Variants in ELAVL4 observed in about 807,000 individuals in gnomAD.
ELAVL4 encodes the protein ELAV-like protein 4.
In ELAVL4, 1 loss-of-function variant was observed where a neutral mutation model predicts 35.6. That is an observed-to-expected ratio of 0.03 (90% CI 0.01 to 0.13). ELAVL4 has a LOEUF of 0.13. Among genes scored for constraint, ELAVL4 ranks in the 10% least tolerant of loss-of-function variants. The pLI is 1.00. For synonymous variants in ELAVL4, 156 were observed against 171.0 expected, an observed-to-expected ratio of 0.91 and a Z score of 0.69; for missense variants, 267 against 464.9, an observed-to-expected ratio of 0.57 and a Z score of 3.91.
intron 2 of ELAVL4, among the ~76,000 whole-genome samples, chr1:50,169,664 A>G (rs1678627720): frequency 6.6e-6 from 1 of 152,184 alleles, no homozygotes; most frequent in Non-Finnish European, 1.5e-5. Context: ...GGATAAATGT[A>G]GTACTTAGAT....
upstream of ELAVL4, chr1:50,103,881 G>C: frequency 6.2e-7 from 1 of 1,600,908 alleles, no homozygotes; most frequent in Non-Finnish European, 8.5e-7. Flanking sequence ...AGCTGTGTTC[G>C]GAGGGACTGG....
chr1:50,139,085 GA>G (rs1292531929), intron 1 of ELAVL4, among the ~76,000 whole-genome samples: 2 of 152,188 alleles, frequency 1.3e-5, no homozygotes, highest in Non-Finnish European at 2.9e-5. Context: ...CTCAGTAGGT[GA>G]CTGGTTGCTT....
At chr1:50,153,389 T>G (rs1675139830) in intron 2 of ELAVL4, among the ~76,000 whole-genome samples, 1 of 152,238 alleles carries the variant, frequency 6.6e-6, no homozygotes, top group Non-Finnish European at 1.5e-5. Flanking sequence ...TCAGTGATTT[T>G]ATTCCCATTT....
At chr1:50,103,387 G>A (rs749482727), upstream of ELAVL4, among the ~76,000 whole-genome samples, 7 of 151,866 alleles carry the variant, frequency 4.6e-5, no homozygotes, top group Non-Finnish European at 8.8e-5. Context: ...TCTGTAGTAT[G>A]TTTGCATTTT....
intron 1 of ELAVL4, among the ~76,000 whole-genome samples, chr1:50,084,263 A>T (rs549706044): frequency 2.0e-4 from 31 of 152,294 alleles, no homozygotes; most frequent in African/African-American, 6.7e-4. Context: ...CATGTTTACC[A>T]TGTGTCAACT....
intron 3 of ELAVL4, among the ~76,000 whole-genome samples, chr1:50,179,221 G>T (rs1680631062): frequency 6.6e-6 from 1 of 152,036 alleles, no homozygotes. Context: ...GCACCCAGCG[G>T]TAATGTGGGC....
chr1:50,082,148 A>G (rs1665039100), intron 1 of ELAVL4, among the ~76,000 whole-genome samples: 1 of 152,208 alleles, frequency 6.6e-6, no homozygotes, highest in Admixed American at 6.5e-5. Context: ...ATACATGTGC[A>G]TGTGTCTTTA....
At chr1:50,185,458 G>A (rs774740237) in intron 3 of ELAVL4, among the ~76,000 whole-genome samples, 9 of 152,200 alleles carry the variant, frequency 5.9e-5, no homozygotes, top group South Asian at 2.1e-4. Context: ...CCAAGCACAC[G>A]GCTTTTATTT....
chr1:50,191,481 G>T (rs1365651736), intron 3 of ELAVL4, among the ~76,000 whole-genome samples: 1 of 152,030 alleles, frequency 6.6e-6, no homozygotes. Context: ...ATGAGCTGTG[G>T]GTGTTTATTC....
chr1:50,093,882 T>G (rs190286241), intron 1 of ELAVL4, among the ~76,000 whole-genome samples: 166 of 152,344 alleles, frequency 1.1e-3, no homozygotes, highest in Non-Finnish European at 1.9e-3. Context: ...GTTGAATGAT[T>G]ATAATGAGTA....
At chr1:50,116,053 G>A (rs1178253367) in intron 1 of ELAVL4, among the ~76,000 whole-genome samples, 1 of 152,046 alleles carries the variant, frequency 6.6e-6, no homozygotes, top group Non-Finnish European at 1.5e-5. Context: ...ATCTAGGTGT[G>A]ACTCCAAAAG....
chr1:50,056,808 T>C (rs1291488073), intron 1 of ELAVL4, among the ~76,000 whole-genome samples: 1 of 151,878 alleles, frequency 6.6e-6, no homozygotes, highest in Non-Finnish European at 1.5e-5. Context: ...GGCGGGCGCC[T>C]CTAGTCCCAG....
chr1:50,194,140 A>C (rs1284723795), intron 4 of ELAVL4, among the ~76,000 whole-genome samples: 1 of 152,232 alleles, frequency 6.6e-6, no homozygotes, highest in Admixed American at 6.5e-5. Flanking sequence ...TTTTAGCAGC[A>C]GCTAAACTAC....
intron 3 of ELAVL4, among the ~76,000 whole-genome samples, chr1:50,189,056 C>T (rs1682264836): frequency 6.6e-6 from 1 of 152,204 alleles, no homozygotes; most frequent in Non-Finnish European, 1.5e-5. Flanking sequence ...AATGAATGAA[C>T]TCCCATCTTC....
At chr1:50,084,484 AAC>A (rs1411285400) in intron 1 of ELAVL4, among the ~76,000 whole-genome samples, 2 of 152,094 alleles carry the variant, frequency 1.3e-5, no homozygotes, top group Non-Finnish European at 2.9e-5. Flanking sequence ...TCATACTGTG[AAC>A]ACAGTTTTGA....
At chr1:50,185,003 G>A (rs537611134) in intron 3 of ELAVL4, among the ~76,000 whole-genome samples, 1 of 152,258 alleles carries the variant, frequency 6.6e-6, no homozygotes, top group African/African-American at 2.4e-5. Flanking sequence ...GTCACACTAG[G>A]CATGTTTGAA....
chr1:50,051,634 TCTTA>T (rs1004273129), intron 1 of ELAVL4, among the ~76,000 whole-genome samples: 1 of 152,212 alleles, frequency 6.6e-6, no homozygotes, highest in African/African-American at 2.4e-5. Flanking sequence ...TATCTGGATA[TCTTA>T]CTTAATGTGG....
intron 2 of ELAVL4, among the ~76,000 whole-genome samples, chr1:50,155,005 C>G (rs184209575): frequency 1.5e-4 from 23 of 151,550 alleles, no homozygotes; most frequent in Middle Eastern, 3.4e-3. Flanking sequence ...AACGGACCAC[C>G]TAGTTTGAGT....
At chr1:50,081,262 C>G (rs1257531227) in intron 1 of ELAVL4, among the ~76,000 whole-genome samples, 1 of 152,062 alleles carries the variant, frequency 6.6e-6, no homozygotes, top group Non-Finnish European at 1.5e-5. Context: ...AAGGCATGCC[C>G]CAAACTGAAT....
Sources: gnomAD v4.1 joint callset for allele counts (sites outside exome capture counted in the v4.1 genomes callset) on GRCh38, gnomAD v4.1.1 for gene constraint, MANE v1.5 for transcripts, NCBI Gene and HGNC (gene_info 2026-07-23, HGNC 2026-07-21) for gene names.